Variants in DNMT1 observed in about 807,000 individuals in gnomAD.
DNMT1 encodes the protein DNA (cytosine-5)-methyltransferase 1.
In DNMT1, 24 loss-of-function variants were observed where a neutral mutation model predicts 205.3. That is an observed-to-expected ratio of 0.12 (90% confidence interval 0.08 to 0.16). The LOEUF (loss-of-function observed/expected upper bound fraction) is 0.16, where lower values mean the gene tolerates loss of function less well. Ranked by LOEUF, DNMT1 falls within the 10% of genes least tolerant of loss-of-function variation. The pLI, the probability that DNMT1 is intolerant of heterozygous loss-of-function variation, is 1.00. For missense variants in DNMT1, 1,293 were observed against 2,177.7 expected, an observed-to-expected ratio of 0.59 and a Z score of 8.09; for synonymous variants, 817 against 839.8, an observed-to-expected ratio of 0.97 and a Z score of 0.47.
chr19:10,165,560 T>C (rs2038673169), intron 11 of DNMT1, among the ~76,000 whole-genome samples: 1 of 151,984 alleles, frequency 6.6e-6, no homozygotes, highest in South Asian at 2.1e-4. Flanking sequence ...GCCCGGCTAA[T>C]TTTTATATTT....
In DNMT1 at chr19:10,137,283, GAA is replaced by G; in HGVS notation, c.4294-5_4294-4del. 6.2e-7 allele frequency: 1 copy of G among 1,603,050 alleles called. No individual in the cohort carries two copies. The highest frequency in any genetic ancestry group is 8.5e-7 in the Non-Finnish European group (1 of 1,176,348). On this transcript the variant is annotated splice_polypyrimidine_tract_variant and splice_region_variant and intron_variant, in intron 36 of 40. Transcript: ENST00000359526. This position sits in a 1 kb window ranked among gnomAD's most constrained non-coding sequence, Gnocchi z 6.4. Reference sequence around the variant, plus strand: ...GCAGCCACCAATGCACTCATGTCCTGAAAGAGTGTGGGGGGCCCAGCTGTCAC... The same window carrying G: ...GCAGCCACCAATGCACTCATGTCCTGAGAGTGTGGGGGGCCCAGCTGTCAC...
chr19:10,140,983 A>T lies in DNMT1; in HGVS notation c.3395-74T>A. Reference sequence around the variant, plus strand: ...CACCTTGCTCTCAAGCGCCTTGTTAACTCAGGCGGCCTCGCTGTCCCAGAG... The same window carrying T: ...CACCTTGCTCTCAAGCGCCTTGTTATCTCAGGCGGCCTCGCTGTCCCAGAG... On this transcript the variant is annotated intron_variant, in intron 31 of 40. Transcript: ENST00000359526. The surrounding 1 kb of genome is among the most constrained non-coding windows in gnomAD (Gnocchi z 8.4). 1 of 1,613,646 alleles carries T rather than the reference A, an allele frequency of 6.2e-7. No individual in the cohort carries two copies. The highest frequency in any genetic ancestry group is 8.5e-7 in the Non-Finnish European group (1 of 1,179,984).
chr19:10,156,273 C>T lies in DNMT1; in HGVS notation c.1399+118G>A, dbSNP rs1335294836. The T allele has an allele frequency of 2.4e-6, 2 of 825,908 alleles. No individual in the cohort carries two copies. Among genetic ancestry groups the T allele is most frequent in the African/African-American group, 1.7e-5 (1 of 59,566 alleles). The allele number at this position is 825,908 out of a possible 1,614,324, so 51.2% of individuals were successfully genotyped here. On this transcript the variant is annotated intron_variant, in intron 18 of 40. Transcript: ENST00000359526. This position sits in a 1 kb window ranked among gnomAD's most constrained non-coding sequence, Gnocchi z 4.2. Reference sequence around the variant, plus strand: ...TGTTGTCCAGGCTCGTCTCAAACTCCCGGGCTCAAGTGATCCTCTGGCCTC... The same window carrying T: ...TGTTGTCCAGGCTCGTCTCAAACTCTCGGGCTCAAGTGATCCTCTGGCCTC...
chr19:10,172,164 C>G (rs948697865), intron 9 of DNMT1, among the ~76,000 whole-genome samples: 7 of 151,802 alleles, frequency 4.6e-5, no homozygotes, highest in African/African-American at 1.7e-4. Context: ...GCCTATAATC[C>G]CAGCACTTTG....
intron 1 of DNMT1, among the ~76,000 whole-genome samples, chr19:10,189,143 G>A (rs1397698565): frequency 7.0e-6 from 1 of 143,068 alleles, no homozygotes; most frequent in African/African-American, 2.6e-5. Flanking sequence ...TTTTTGAGAC[G>A]GAGTCTCGCT....
intron 1 of DNMT1, among the ~76,000 whole-genome samples, chr19:10,190,063 C>T (rs1473105688): frequency 1.3e-5 from 2 of 152,204 alleles, no homozygotes; most frequent in East Asian, 3.8e-4. Flanking sequence ...AATTCTACCA[C>T]AGGGGAGCAA....
chr19:10,134,503 C>T (rs1263877714), intron 39 of DNMT1, among the ~76,000 whole-genome samples, 196 bp from the exon 40 acceptor site: 2 of 152,254 alleles, frequency 1.3e-5, no homozygotes, highest in South Asian at 2.1e-4. Context: ...GGCCCATCAT[C>T]CCGCCCCACA....
intron 1 of DNMT1, among the ~76,000 whole-genome samples, chr19:10,185,941 G>C (rs1277615281): frequency 2.6e-5 from 4 of 152,194 alleles, no homozygotes; most frequent in African/African-American, 9.6e-5. Context: ...TAGCAACTGG[G>C]GTCCAAGGAG....
At position 10,137,108 on chromosome 19, in the gene DNMT1, C is replaced by T. The variant is rs745789285; in HGVS notation, c.4466G>A (p.Arg1489His). The T allele has an allele frequency of 3.7e-6, 6 of 1,612,170 alleles. No individual in the cohort carries two copies. Among genetic ancestry groups the T allele is most frequent in the Non-Finnish European group, 5.1e-6 (6 of 1,179,622 alleles). The change falls in exon 37 of 41, where the codon CGT becomes CAT. Residue 1489 changes from arginine to histidine, a missense_variant. Physicochemically the swap from Arg to His is conservative, Grantham distance 29. Transcript: ENST00000359526. The surrounding 1 kb of genome is among the most constrained non-coding windows in gnomAD (Gnocchi z 6.4). ...KNGRSSSGAL[R>H]GVCSCVEAGK... ...ACCTTCCACGCAGGAGCAGACCCCA[C>T]GGAGGGCCCCAGAGCTGCTGCGGCC...
At chr19:10,157,298 T>TA (rs2038478499) in intron 17 of DNMT1, among the ~76,000 whole-genome samples, 1 of 152,200 alleles carries the variant, frequency 6.6e-6, no homozygotes, top group African/African-American at 2.4e-5. Context: ...TTTTATATTA[T>TA]ACGAGTTAGA....
chr19:10,138,715 C>T lies in DNMT1; in HGVS notation c.3949-110G>A, dbSNP rs939983923. 58 of 1,383,802 alleles carry T rather than the reference C, an allele frequency of 4.2e-5. No homozygotes were observed. The Middle Eastern group carries it at 1.3e-3, about 30-fold the overall frequency. The allele number at this position is 1,383,802 out of a possible 1,614,324, so 85.7% of individuals were successfully genotyped here. ...CTGAGTCGGGAGTGGCTGGCCAATG[C>T]GGAGTGCACTTGCAGAAATCCCCAG... On this transcript the variant is annotated intron_variant, in intron 34 of 40. Coordinates refer to ENST00000359526, the MANE Select transcript of DNMT1 (RefSeq NM_001130823.3). This position sits in a 1 kb window ranked among gnomAD's most constrained non-coding sequence, Gnocchi z 4.1.
chr19:10,140,361 C>T lies in DNMT1; in HGVS notation c.3524-33G>A. On this transcript the variant is annotated intron_variant, in intron 32 of 40. Coordinates refer to ENST00000359526, the MANE Select transcript of DNMT1 (RefSeq NM_001130823.3). This position sits in a 1 kb window ranked among gnomAD's most constrained non-coding sequence, Gnocchi z 8.4. ...ATCAAGCACGAAGCCATGCTTTCAA[C>T]TCTCCAGAAGATTTTTTTTTTTTTT... 1 of 1,610,086 alleles carries T rather than the reference C, an allele frequency of 6.2e-7. No individual in the cohort carries two copies. Among genetic ancestry groups the T allele is most frequent in the Non-Finnish European group, 8.5e-7 (1 of 1,179,648 alleles).
intron 1 of DNMT1, among the ~76,000 whole-genome samples, chr19:10,193,010 G>A (rs1489845075): frequency 2.6e-5 from 4 of 152,212 alleles, no homozygotes; most frequent in South Asian, 2.1e-4. Flanking sequence ...TCACGCCACC[G>A]CATTCCAGCC....
At position 10,148,874 on chromosome 19, in the gene DNMT1, C is replaced by G. The variant is rs2145291283; in HGVS notation, c.2720+10G>C. 1 of 1,614,130 alleles carries G rather than the reference C, an allele frequency of 6.2e-7. No individual in the cohort carries two copies. The highest frequency in any genetic ancestry group is 2.2e-5 in the East Asian group (1 of 44,878). The stretch of plus-strand genomic sequence containing the variant: ...TGCCTGCTGACCCCGAGTCCAGCCC[C>G]AGTGCTCACTTGAACTTGTTGTCCT... On this transcript the variant is annotated intron_variant, in intron 27 of 40. Coordinates refer to ENST00000359526, the MANE Select transcript of DNMT1 (RefSeq NM_001130823.3).
At chr19:10,144,979 A>G (rs1246761695) in intron 28 of DNMT1, among the ~76,000 whole-genome samples, 1 of 152,202 alleles carries the variant, frequency 6.6e-6, no homozygotes, top group Non-Finnish European at 1.5e-5. Context: ...CCTGACAGGC[A>G]TGAGCCACCG....
intron 10 of DNMT1, among the ~76,000 whole-genome samples, chr19:10,166,963 G>C (rs2038708730): frequency 6.6e-6 from 1 of 152,206 alleles, no homozygotes; most frequent in Non-Finnish European, 1.5e-5. Flanking sequence ...TGGCCTGATG[G>C]GAATCCAGCC....
At chr19:10,160,731 C>T (rs531826892) in intron 13 of DNMT1, among the ~76,000 whole-genome samples, 1 of 152,024 alleles carries the variant, frequency 6.6e-6, no homozygotes, top group South Asian at 2.1e-4. Flanking sequence ...CACGTCTCTA[C>T]CAAAAATACA....
At chr19:10,139,907 T>C (rs2089567769) in intron 33 of DNMT1, 90 bp from the exon 34 acceptor site, 1 of 1,570,454 alleles carries the variant, frequency 6.4e-7, no homozygotes, top group Non-Finnish European at 8.6e-7. Flanking sequence ...ACGAATGTTA[T>C]CAAAGTCTCT....
rs569985466 is a variant in DNMT1 at position 10,154,669 on chromosome 19, G to A, written c.1749C>T (p.Ala583=). The A allele has an allele frequency of 5.4e-5, 87 of 1,614,166 alleles. No homozygotes were observed. Among genetic ancestry groups the A allele is most frequent in the Admixed American group, 2.2e-4 (13 of 60,010 alleles). Residue 583 remains alanine (A), a synonymous_variant, in exon 21 of 41, where the codon GCC becomes GCT. Transcript: ENST00000359526. The surrounding 1 kb of genome is among the most constrained non-coding windows in gnomAD (Gnocchi z 6.3). ...AGATGGGCTGCTCATCACTGTCCCCGGCCTCGTCATAACTCTCCACCTGCT... is the reference window on the plus strand; with the variant it reads ...AGATGGGCTGCTCATCACTGTCCCCAGCCTCGTCATAACTCTCCACCTGCT... ...VVEQVESYDE[A]GDSDEQPIFL...
Sources: allele counts gnomAD v4.1 joint callset (sites outside exome capture counted in the v4.1 genomes callset), GRCh38; gene constraint gnomAD v4.1.1; non-coding constraint Gnocchi (gnomAD v3.1); transcripts MANE v1.5; gene names NCBI Gene and HGNC (gene_info 2026-07-23, HGNC 2026-07-21).